Variants in CHD1L observed in about 807,000 individuals in gnomAD.
CHD1L encodes chromodomain helicase DNA binding protein 1 like.
A neutral mutation model predicts 115.9 loss-of-function variants in CHD1L; 118 were observed. The ratio of observed to expected loss-of-function variants is 1.02; its 90% CI spans 0.88 to 1.19. The LOEUF is 1.19. Ranked by LOEUF, CHD1L falls within the 50% of genes most tolerant of loss-of-function variation. The pLI is 0.00. For synonymous variants in CHD1L, 411 were observed against 387.1 expected (o/e 1.06, Z -0.72); for missense variants, 1,179 against 1,065.3 (o/e 1.11, Z -1.49).
At chr1:147,275,127 G>C (rs1424483255) in intron 12 of CHD1L, among the ~76,000 whole-genome samples, 1 of 152,182 alleles carries the variant, frequency 6.6e-6, no homozygotes, top group Non-Finnish European at 1.5e-5. Flanking sequence ...CGCTCATTCT[G>C]TTCCATTCAG....
At chr1:147,243,914 G>T (rs1665755602) in intron 1 of CHD1L, among the ~76,000 whole-genome samples, 1 of 152,224 alleles carries the variant, frequency 6.6e-6, no homozygotes, top group Non-Finnish European at 1.5e-5. Flanking sequence ...GTGCAATTCT[G>T]TGTTCAGCTT....
At chr1:147,184,702 A>G in the CHD1L span, 2 of 1,414,780 alleles carry the variant, frequency 1.4e-6, no homozygotes, top group Non-Finnish European at 1.8e-6. This position sits in a 1 kb window ranked among gnomAD's most constrained non-coding sequence, Gnocchi z 4.4. Flanking sequence ...TCTCAAAGGT[A>G]CATACTATCA....
At chr1:147,178,752 C>T in the CHD1L span, 2 of 1,595,724 alleles carry the variant, frequency 1.3e-6, no homozygotes, top group East Asian at 4.5e-5. Flanking sequence ...ATCTCACTAA[C>T]AAGTTGGAGG....
At chr1:147,271,149 C>T (rs1196696177) in intron 11 of CHD1L, 144 bp downstream of exon 11, 9 of 674,860 alleles carry the variant, frequency 1.3e-5, no homozygotes, top group African/African-American at 5.4e-5. Flanking sequence ...AATCAAAAGG[C>T]GAGAGGAGAG....
the CHD1L span, chr1:147,225,056 T>C: frequency 6.2e-7 from 1 of 1,614,036 alleles, no homozygotes; most frequent in Admixed American, 1.7e-5. Flanking sequence ...CACCTGTTAG[T>C]GTCGCCTGTC....
chr1:147,245,506 G>A (rs1472442448), intron 1 of CHD1L, among the ~76,000 whole-genome samples: 1 of 152,054 alleles, frequency 6.6e-6, no homozygotes, highest in East Asian at 1.9e-4. Flanking sequence ...TTTAGCAGTT[G>A]TACCCAGAAG....
intron 11 of CHD1L, 22 bp from the exon 12 acceptor site, chr1:147,272,149 G>C: frequency 6.3e-7 from 1 of 1,588,882 alleles, no homozygotes; most frequent in Non-Finnish European, 8.6e-7. Flanking sequence ...TAAGATTTCT[G>C]TTTTTCTTCC....
At chr1:147,188,616 A>T in the CHD1L span, among the ~76,000 whole-genome samples, 1 of 151,774 alleles carries the variant, frequency 6.6e-6, no homozygotes, top group Non-Finnish European at 1.5e-5. Context: ...AGATTAAATA[A>T]ACTCATATAA....
Position 147,267,515 on chromosome 1 carries a change from G to A in CHD1L, c.985G>A (p.Asp329Asn), listed in dbSNP as rs1418948373. The A allele has an allele frequency of 6.2e-7, 1 of 1,609,890 alleles. No individual in the cohort carries two copies. The highest frequency in any genetic ancestry group is 8.5e-7 in the Non-Finnish European group (1 of 1,177,508). The stretch of plus-strand genomic sequence containing the variant: ...GTGTGTGGATCACCCATATTTGTTT[G>A]ATGGTGAGACAGTGCCTTTTCCCCC... Reference protein sequence around the residue: ...RKCVDHPYLFDGVEPEPFEVG... With the variant: ...RKCVDHPYLFNGVEPEPFEVG... The change falls in exon 9 of 23, where the codon GAT (aspartate) becomes AAT (asparagine). Residue 329 changes from aspartate (D) to asparagine (N), a missense_variant. Coordinates refer to ENST00000369258, the MANE Select transcript of CHD1L (RefSeq NM_004284.6).
chr1:147,208,568 T>C, the CHD1L span: 2 of 274,074 alleles, frequency 7.3e-6, no homozygotes, highest in Non-Finnish European at 7.2e-6. Context: ...GCCTCCTGAA[T>C]AGCTGGGACT....
At chr1:147,212,556 A>G in the CHD1L span, 4 of 1,605,988 alleles carry the variant, frequency 2.5e-6, no homozygotes, top group Non-Finnish European at 3.4e-6. Flanking sequence ...AGGGAAAATA[A>G]TTATTGGGTA....
At chr1:147,267,539 C>G in intron 9 of CHD1L, 21 bp downstream of exon 9, 1 of 1,573,578 alleles carries the variant, frequency 6.4e-7, no homozygotes, top group Non-Finnish European at 8.7e-7. Flanking sequence ...GCCTTTTCCC[C>G]CCACATTATT....
chr1:147,204,529 G>T, the CHD1L span: 1 of 1,571,608 alleles, frequency 6.4e-7, no homozygotes, highest in Non-Finnish European at 8.7e-7. Context: ...TTTTCTGCAA[G>T]CTATTTCATA....
At chr1:147,199,590 A>C in the CHD1L span, among the ~76,000 whole-genome samples, 2 of 152,288 alleles carry the variant, frequency 1.3e-5, no homozygotes, top group Non-Finnish European at 2.9e-5. Flanking sequence ...AAAGAGTCCC[A>C]GTTGCTTAAA....
intron 2 of CHD1L, among the ~76,000 whole-genome samples, chr1:147,253,502 A>G (rs2102375890): frequency 6.6e-6 from 1 of 152,248 alleles, no homozygotes; most frequent in African/African-American, 2.4e-5. Context: ...CGTGTTTTGC[A>G]TGATTGAACT....
intron 19 of CHD1L, among the ~76,000 whole-genome samples, chr1:147,290,812 CCTAA>C (rs1445217577): frequency 3.3e-5 from 5 of 152,096 alleles, no homozygotes; most frequent in African/African-American, 9.7e-5. Flanking sequence ...CAACACCAAA[CCTAA>C]CTTTTTCTTA....
chr1:147,219,263 T>C, the CHD1L span, among the ~76,000 whole-genome samples: 3 of 152,224 alleles, frequency 2.0e-5, no homozygotes, highest in Non-Finnish European at 4.4e-5. Context: ...TCTATGGGTA[T>C]ATAATTATAC....
At chr1:147,229,688 G>T in the CHD1L span, among the ~76,000 whole-genome samples, 3 of 152,194 alleles carry the variant, frequency 2.0e-5, no homozygotes, top group East Asian at 5.8e-4. Flanking sequence ...ATTTCATTGA[G>T]CAGTGGTTTG....
chr1:147,193,752 G>A, the CHD1L span, among the ~76,000 whole-genome samples: 80 of 152,038 alleles, frequency 5.3e-4, 1 homozygote, highest in East Asian at 0.012. Context: ...TTCTGCTTTC[G>A]TTTCGTTATG....
Sources: gnomAD v4.1 joint callset for allele counts (sites outside exome capture counted in the v4.1 genomes callset) on GRCh38, gnomAD v4.1.1 for gene constraint, Gnocchi (gnomAD v3.1) non-coding constraint, MANE v1.5 for transcripts, NCBI Gene and HGNC (gene_info 2026-07-23, HGNC 2026-07-21) for gene names.